Variants in APCDD1L observed in about 807,000 individuals in gnomAD.
APCDD1L encodes the protein APC down-regulated 1 like, also known as protein APCDD1-like.
In APCDD1L, 21 loss-of-function variants were observed where a neutral mutation model predicts 24.2. The observed-to-expected ratio is 0.87, with a 90% CI of 0.61 to 1.25. APCDD1L has a LOEUF of 1.25. Among genes scored for constraint, APCDD1L ranks in the 50% most tolerant of loss-of-function variants. The probability of loss-of-function intolerance (pLI) is 0.00; values close to 1 mark genes in which losing one functional copy is unlikely to be tolerated. For missense variants in APCDD1L, 704 were observed against 711.7 expected (o/e 0.99, Z 0.12); for synonymous variants, 321 against 323.6 (o/e 0.99, Z 0.09).
At chr20:58,501,280 T>C (rs540103226) in intron 1 of APCDD1L, among the ~76,000 whole-genome samples, 114 of 152,330 alleles carry the variant, frequency 7.5e-4, no homozygotes, top group African/African-American at 2.6e-3. Context: ...TAACCCCCTG[T>C]ACCTCAGAGC....
chr20:58,492,290 A>G (rs1990237852), intron 1 of APCDD1L, among the ~76,000 whole-genome samples: 1 of 152,266 alleles, frequency 6.6e-6, no homozygotes, highest in Admixed American at 6.5e-5. Context: ...ACACATGACC[A>G]ACAGAGGATT....
At chr20:58,503,306 G>T (rs543981983) in intron 1 of APCDD1L, among the ~76,000 whole-genome samples, 10 of 152,250 alleles carry the variant, frequency 6.6e-5, no homozygotes, top group African/African-American at 2.4e-4. Flanking sequence ...TCACTCACTG[G>T]CAAGTTGGTC....
rs199568061 is a variant in APCDD1L, at chr20:58,461,190, G to A, written c.1106C>T (p.Ala369Val). 4.3e-6 allele frequency: 7 copies of A among 1,613,524 alleles called. No individual in the cohort carries two copies. Among genetic ancestry groups the A allele is most frequent in the Admixed American group, 3.3e-5 (2 of 60,020 alleles). Residue 369 changes from alanine to valine, a missense_variant, in exon 4 of 4, where the codon GCC (alanine) becomes GTC (valine). Transcript: ENST00000371149. This position sits in a 1 kb window ranked among gnomAD's most constrained non-coding sequence, Gnocchi z 6.0. ...HVTPMDQVTT[A>V]MLNFSEPSSC... ...GCTTGGCTCAGAGAAGTTGAGCATG[G>A]CCGTGGTGACCTGGTCCATGGGGGT...
At chr20:58,501,689 G>A (rs1191960134) in intron 1 of APCDD1L, among the ~76,000 whole-genome samples, 1 of 152,210 alleles carries the variant, frequency 6.6e-6, no homozygotes, top group African/African-American at 2.4e-5. Flanking sequence ...CACGCACAGG[G>A]GAAGGGTCTC....
intron 3 of APCDD1L, among the ~76,000 whole-genome samples, chr20:58,463,981 G>A (rs1172982467): frequency 2.0e-5 from 3 of 150,522 alleles, no homozygotes; most frequent in Non-Finnish European, 4.4e-5. Flanking sequence ...TAATATCGGA[G>A]ACCATATTGG....
intron 1 of APCDD1L, among the ~76,000 whole-genome samples, chr20:58,509,912 A>G (rs1990595588): frequency 6.6e-6 from 1 of 152,128 alleles, no homozygotes; most frequent in South Asian, 2.1e-4. Flanking sequence ...CTGAGGCCCC[A>G]CAACCCTCCA....
At chr20:58,465,102 C>G (rs1441780305) in intron 3 of APCDD1L, among the ~76,000 whole-genome samples, 2 of 152,194 alleles carry the variant, frequency 1.3e-5, no homozygotes, top group South Asian at 2.1e-4. Context: ...GATCTGTCCT[C>G]TCTGCATTCA....
At chr20:58,474,722 A>G (rs1989874805) in intron 1 of APCDD1L, among the ~76,000 whole-genome samples, 1 of 152,122 alleles carries the variant, frequency 6.6e-6, no homozygotes, top group South Asian at 2.1e-4. Context: ...ACAAAACAAA[A>G]CAAAACAAAA....
intron 1 of APCDD1L, among the ~76,000 whole-genome samples, chr20:58,486,698 A>G (rs1191756160): frequency 6.6e-6 from 1 of 152,150 alleles, no homozygotes; most frequent in South Asian, 2.1e-4. Context: ...CCGCCAACCT[A>G]GATTTGTGTA....
intron 1 of APCDD1L, among the ~76,000 whole-genome samples, chr20:58,512,213 T>TG (rs1990642343): frequency 6.6e-6 from 1 of 152,094 alleles, no homozygotes; most frequent in African/African-American, 2.4e-5. Flanking sequence ...TAAGCTATGT[T>TG]GTTTTTCTTG....
intron 1 of APCDD1L, among the ~76,000 whole-genome samples, chr20:58,496,409 G>C (rs1043710703): frequency 6.6e-6 from 1 of 152,276 alleles, no homozygotes; most frequent in African/African-American, 2.4e-5. Context: ...AGGCCAGGCA[G>C]AGGGACAGAC....
At position 58,461,124 on chromosome 20, in the gene APCDD1L, C is replaced by T. The variant is rs142546037; in HGVS notation, c.1172G>A (p.Arg391Gln). 131 of 1,613,720 alleles carry T rather than the reference C, an allele frequency of 8.1e-5. No homozygotes were observed. Among genetic ancestry groups the T allele is most frequent in the South Asian group, 1.8e-4 (16 of 91,072 alleles). Residue 391 changes from arginine to glutamine, a missense_variant, in exon 4 of 4, where the codon CGG (arginine) becomes CAG (glutamine). Transcript: ENST00000371149. This position sits in a 1 kb window ranked among gnomAD's most constrained non-coding sequence, Gnocchi z 6.0. ...GAGAWSMGTE[R>Q]DVTATNGCLP... ...GCAGCCGTTGGTGGCTGTGACATCC[C>T]GCTCAGTGCCCATGGACCAGGCCCC...
In APCDD1L at chr20:58,467,719, C is replaced by T. The variant is rs1442779239; in HGVS notation, c.189-61G>A. On this transcript the variant is annotated intron_variant, in intron 2 of 3. Transcript: ENST00000371149. This position sits in a 1 kb window ranked among gnomAD's most constrained non-coding sequence, Gnocchi z 5.9. ...GGAACACCGCGCCGCGAGCCCCTCTCCCCTCTGGGCTGGGCTCCTTTCTCC... is the reference window on the plus strand; with the variant it reads ...GGAACACCGCGCCGCGAGCCCCTCTTCCCTCTGGGCTGGGCTCCTTTCTCC... 2.9e-6 allele frequency: 4 copies of T among 1,377,666 alleles called. No individual in the cohort carries two copies. The highest frequency in any genetic ancestry group is 1.5e-5 in the African/African-American group (1 of 65,884). 85.3% of individuals were successfully genotyped at this position (1,377,666 alleles called of 1,614,324 possible). A position where few individuals can be genotyped will look rare whatever the true frequency, so the allele number is the denominator to read the frequency against.
rs543197119 is a variant in APCDD1L, at chr20:58,508,934, G to A, written c.49+5725C>T. Among the ~76,000 whole-genome samples, 65 of 149,878 alleles carry A rather than the reference G, an allele frequency of 4.3e-4. No homozygotes were observed. The highest frequency in any genetic ancestry group is 1.5e-3 in the African/African-American group (60 of 41,284). ...CATGCGTGAGTGTGCATGAGTGTGC[G>A]TGAGTGTGTGTGAGTGTGCATGTGT... On this transcript the variant is annotated intron_variant, in intron 1 of 3. Coordinates refer to ENST00000371149, the MANE Select transcript of APCDD1L (RefSeq NM_153360.3). This position sits in a 1 kb window ranked among gnomAD's most constrained non-coding sequence, Gnocchi z 4.0.
chr20:58,512,892 C>T (rs979642026), intron 1 of APCDD1L, among the ~76,000 whole-genome samples: 6 of 151,476 alleles, frequency 4.0e-5, no homozygotes, highest in Non-Finnish European at 8.8e-5. Flanking sequence ...GGCAGGCTGC[C>T]CCCCTCTCTC....
rs1173205915 is a variant in APCDD1L, at chr20:58,471,519, G to A, written c.50-772C>T. Among the ~76,000 whole-genome samples the A allele has an allele frequency of 2.6e-5, 4 of 152,360 alleles. No homozygotes were observed. The South Asian group carries it at 8.3e-4, about 32-fold the overall frequency. On this transcript the variant is annotated intron_variant, in intron 1 of 3. Transcript: ENST00000371149. ...TGGAAGATGGACACGGGAAGCAGGC[G>A]CTGCAGCACAAGCTCCAGGTCCTCT...
intron 1 of APCDD1L, among the ~76,000 whole-genome samples, chr20:58,477,304 A>G (rs1003960392): frequency 6.6e-6 from 1 of 152,196 alleles, no homozygotes; most frequent in Admixed American, 6.5e-5. Flanking sequence ...TTGAGCTGTC[A>G]TGTCTCCTTC....
At chr20:58,501,493 C>A (rs1476380202) in intron 1 of APCDD1L, among the ~76,000 whole-genome samples, 1 of 152,208 alleles carries the variant, frequency 6.6e-6, no homozygotes, top group African/African-American at 2.4e-5. Context: ...CCAGGGAGGG[C>A]AGGCTCTGCA....
At chr20:58,502,454 A>G (rs35544241) in intron 1 of APCDD1L, among the ~76,000 whole-genome samples, 24,188 of 151,988 alleles carry the variant, frequency 0.16, 2,225 homozygotes, top group Non-Finnish European at 0.21. Context: ...CATACCACCA[A>G]CTAGATTGCA....
Sources: gnomAD v4.1 joint callset for allele counts (sites outside exome capture counted in the v4.1 genomes callset) on GRCh38, gnomAD v4.1.1 for gene constraint, Gnocchi (gnomAD v3.1) non-coding constraint, MANE v1.5 for transcripts, NCBI Gene and HGNC (gene_info 2026-07-23, HGNC 2026-07-21) for gene names.